Variants in TDG observed in about 807,000 individuals in gnomAD.
TDG encodes the protein G/T mismatch-specific thymine DNA glycosylase.
A neutral mutation model predicts 46.1 loss-of-function variants in TDG; 23 were observed. The ratio of observed to expected loss-of-function variants is 0.50; its 90% CI spans 0.36 to 0.71. TDG has a LOEUF of 0.71. TDG is among the 30% of genes least tolerant of loss of function. The pLI is 0.00. For missense variants in TDG, 304 were observed against 486.7 expected, an observed-to-expected ratio of 0.62 and a Z score of 3.53; for synonymous variants, 115 against 161.3, an observed-to-expected ratio of 0.71 and a Z score of 2.18.
chr12:103,985,457 C>A, intron 8 of TDG, 146 bp from the exon 9 acceptor site: 2 of 912,276 alleles, frequency 2.2e-6, no homozygotes, highest in South Asian at 2.5e-5. Context: ...TTATTTAGTA[C>A]ATGCTATAAG....
At chr12:103,976,825 T>A in intron 1 of TDG, 93 bp from the exon 2 acceptor site, 1 of 1,467,268 alleles carries the variant, frequency 6.8e-7, no homozygotes, top group Non-Finnish European at 9.3e-7. Flanking sequence ...ACAAAATACT[T>A]AATACTGTAC....
At chr12:103,979,425 G>A (rs966961232) in intron 2 of TDG, among the ~76,000 whole-genome samples, 8 of 151,868 alleles carry the variant, frequency 5.3e-5, no homozygotes, top group Non-Finnish European at 1.2e-4. Context: ...TTCTACTGGG[G>A]AAGTTGAGTT....
chr12:103,976,450 ATAAG>A (rs1361355644), intron 1 of TDG, among the ~76,000 whole-genome samples: 1 of 152,120 alleles, frequency 6.6e-6, no homozygotes, highest in East Asian at 1.9e-4. Flanking sequence ...TAATGAAAAA[ATAAG>A]TAAACAGGCA....
chr12:103,980,296 T>C (rs991796512), intron 3 of TDG: 4 of 565,816 alleles, frequency 7.1e-6, no homozygotes, highest in South Asian at 2.3e-5. Flanking sequence ...AGTATAATCT[T>C]GGATAAGTCT....
At chr12:103,983,479 A>G (rs1871966279) in intron 7 of TDG, 90 bp downstream of exon 7, 4 of 882,060 alleles carry the variant, frequency 4.5e-6, no homozygotes, top group African/African-American at 3.5e-5. Context: ...TGTGATTTAT[A>G]CCATGCAAAA....
intron 1 of TDG, among the ~76,000 whole-genome samples, chr12:103,976,304 C>T (rs529419541): frequency 1.3e-5 from 2 of 151,970 alleles, no homozygotes; most frequent in African/African-American, 2.4e-5. Context: ...ACTTGGGAGG[C>T]TGAGGTGGGA....
At chr12:103,984,713 T>G in intron 7 of TDG, 36 bp from the exon 8 acceptor site, 1 of 1,416,310 alleles carries the variant, frequency 7.1e-7, no homozygotes. Context: ...AATAGAATTA[T>G]AAGATTTCTG....
At chr12:103,966,492 C>G (rs1017859246) in intron 1 of TDG, among the ~76,000 whole-genome samples, 1 of 152,096 alleles carries the variant, frequency 6.6e-6, no homozygotes, top group Admixed American at 6.5e-5. Flanking sequence ...GTTGCGGCTT[C>G]CCCCCACCCC....
intron 4 of TDG, among the ~76,000 whole-genome samples, chr12:103,982,006 C>G (rs1227378566): frequency 1.3e-5 from 2 of 152,020 alleles, no homozygotes; most frequent in African/African-American, 4.8e-5. Flanking sequence ...AGAACTAGAC[C>G]CTGTATCACA....
chr12:103,977,432 A>G (rs761574158), intron 2 of TDG, among the ~76,000 whole-genome samples: 1 of 152,186 alleles, frequency 6.6e-6, no homozygotes, highest in African/African-American at 2.4e-5. Flanking sequence ...AACTCCAACA[A>G]TGTGGAGGCT....
chr12:103,985,014 TAC>T, intron 8 of TDG, 94 bp downstream of exon 8: 1 of 1,008,680 alleles, frequency 9.9e-7, no homozygotes, highest in Non-Finnish European at 1.3e-6. Flanking sequence ...TATATACATA[TAC>T]ACATATACAT....
intron 1 of TDG, among the ~76,000 whole-genome samples, chr12:103,972,121 AC>A (rs1227870333): frequency 6.8e-6 from 1 of 146,910 alleles, no homozygotes; most frequent in East Asian, 2.0e-4. Flanking sequence ...ATTATCCAGA[AC>A]CCCCCTTTTT....
At chr12:103,970,445 T>G (rs1489995081) in intron 1 of TDG, among the ~76,000 whole-genome samples, 1 of 152,134 alleles carries the variant, frequency 6.6e-6, no homozygotes, top group East Asian at 1.9e-4. Flanking sequence ...ACCACTGCAC[T>G]CCAGCCTGGG....
chr12:103,977,834 C>T (rs1268389427), intron 2 of TDG, among the ~76,000 whole-genome samples: 6 of 152,048 alleles, frequency 3.9e-5, no homozygotes, highest in East Asian at 1.9e-4. Flanking sequence ...AAGGCTGAGG[C>T]GGGTAGATCA....
At chr12:103,984,601 A>AAAT in intron 7 of TDG, 148 bp from the exon 8 acceptor site, 1 of 559,086 alleles carries the variant, frequency 1.8e-6, no homozygotes, top group Non-Finnish European at 2.6e-6. Context: ...TCAACCTTAA[A>AAAT]AGCAACTACT....
chr12:103,967,473 T>G (rs1593505364), intron 1 of TDG, among the ~76,000 whole-genome samples: 1 of 151,402 alleles, frequency 6.6e-6, no homozygotes, highest in East Asian at 1.9e-4. Context: ...TTTTTTTTTT[T>G]TTGAGACAGA....
intron 9 of TDG, 50 bp from the exon 10 acceptor site, chr12:103,986,898 G>C: frequency 1.3e-6 from 2 of 1,592,510 alleles, no homozygotes; most frequent in Non-Finnish European, 1.7e-6. Context: ...TTTAAAAAAA[G>C]CAAATATTTC....
chr12:103,985,124 CTT>C (rs1872064782), intron 8 of TDG, among the ~76,000 whole-genome samples: 1 of 149,470 alleles, frequency 6.7e-6, no homozygotes, highest in East Asian at 2.0e-4. Flanking sequence ...TGTGTATACA[CTT>C]GTGTGCGTAT....
chr12:103,982,694 G>A, intron 4 of TDG, 105 bp from the exon 5 acceptor site: 2 of 1,153,714 alleles, frequency 1.7e-6, no homozygotes, highest in Middle Eastern at 3.1e-4. Flanking sequence ...GAGCCTCGGT[G>A]GTCGAGGCTG....
Sources: gnomAD v4.1 joint callset for allele counts (sites outside exome capture counted in the v4.1 genomes callset) on GRCh38, gnomAD v4.1.1 for gene constraint, MANE v1.5 for transcripts, NCBI Gene and HGNC (gene_info 2026-07-23, HGNC 2026-07-21) for gene names.